The following RGS6 variants were observed in gnomAD, a reference collection of about 807,000 sequenced individuals.
RGS6 encodes the protein regulator of G protein signaling 6, also known as regulator of G-protein signaling 6.
In RGS6, 30 loss-of-function variants were observed where a neutral mutation model predicts 78.5. The ratio of observed to expected loss-of-function variants is 0.38; its 90% CI spans 0.29 to 0.52. The LOEUF is 0.52. Ranked by LOEUF, RGS6 falls within the 20% of genes least tolerant of loss-of-function variation. RGS6 has a pLI of 0.85. For synonymous variants in RGS6, 206 were observed against 206.0 expected (o/e 1.00, Z 0.00); for missense variants, 495 against 609.7 (o/e 0.81, Z 1.98).
chr14:72,362,690 G>T (rs538678225), intron 3 of RGS6, among the ~76,000 whole-genome samples: 1 of 152,164 alleles, frequency 6.6e-6, no homozygotes, highest in African/African-American at 2.4e-5. Flanking sequence ...TAGGGCCTAG[G>T]CTCCAGAACT....
chr14:72,458,699 A>G (rs575745707), intron 5 of RGS6, among the ~76,000 whole-genome samples: 12 of 152,352 alleles, frequency 7.9e-5, no homozygotes, highest in Admixed American at 3.3e-4. Context: ...TGGCAAGTCC[A>G]AGACCAAGGT....
intron 2 of RGS6, among the ~76,000 whole-genome samples, chr14:72,337,657 A>T (rs1365459392): frequency 2.0e-5 from 3 of 152,170 alleles, no homozygotes; most frequent in African/African-American, 7.2e-5. Context: ...GCCCTGCCTG[A>T]CTATGCTGCA....
intron 2 of RGS6, among the ~76,000 whole-genome samples, chr14:72,327,525 C>T (rs1434543468): frequency 2.0e-5 from 3 of 152,136 alleles, no homozygotes; most frequent in Non-Finnish European, 4.4e-5. Context: ...ATCTGGCTTC[C>T]TTAAGGCATA....
chr14:72,153,744 A>G (rs895766258), intron 2 of RGS6, among the ~76,000 whole-genome samples: 2 of 152,186 alleles, frequency 1.3e-5, no homozygotes, highest in African/African-American at 4.8e-5. Flanking sequence ...AGGTACAAAG[A>G]TCACATGCTT....
At chr14:71,884,338 G>A in the RGS6 span, among the ~76,000 whole-genome samples, 24 of 152,320 alleles carry the variant, frequency 1.6e-4, no homozygotes, top group African/African-American at 3.1e-4. Flanking sequence ...ATCCTTACAC[G>A]AAGAGGTAAA....
chr14:72,482,057 G>A (rs759366876), intron 12 of RGS6, among the ~76,000 whole-genome samples: 2 of 152,032 alleles, frequency 1.3e-5, no homozygotes, highest in East Asian at 1.9e-4. Flanking sequence ...TGATCCGCCC[G>A]CCTCGGCCTC....
chr14:72,158,242 C>G (rs1195775896), intron 2 of RGS6, among the ~76,000 whole-genome samples: 1 of 152,158 alleles, frequency 6.6e-6, no homozygotes, highest in African/African-American at 2.4e-5. Context: ...TCCTCCTTGG[C>G]TTGTAGATGG....
At chr14:72,502,257 C>A (rs1461866847) in intron 13 of RGS6, among the ~76,000 whole-genome samples, 1 of 152,184 alleles carries the variant, frequency 6.6e-6, no homozygotes, top group Non-Finnish European at 1.5e-5. Context: ...AGCTCCTGGT[C>A]AGCAACTAGC....
chr14:72,306,110 A>C (rs975914621), intron 2 of RGS6, among the ~76,000 whole-genome samples: 1 of 152,230 alleles, frequency 6.6e-6, no homozygotes, highest in African/African-American at 2.4e-5. Context: ...TCCAAAAATC[A>C]TACAGCCTCT....
intron 1 of RGS6, among the ~76,000 whole-genome samples, chr14:71,937,948 G>T (rs1443991487): frequency 6.6e-6 from 1 of 152,220 alleles, no homozygotes; most frequent in Non-Finnish European, 1.5e-5. Context: ...ACTCAGCAGT[G>T]ATCATAGCCA....
the RGS6 span, among the ~76,000 whole-genome samples, chr14:72,627,592 C>T: frequency 6.6e-6 from 1 of 152,050 alleles, no homozygotes; most frequent in Non-Finnish European, 1.5e-5. Context: ...GGGCTAGTTT[C>T]CATCACAGTT....
intron 2 of RGS6, among the ~76,000 whole-genome samples, chr14:72,016,055 A>T (rs1474961149): frequency 6.6e-6 from 1 of 152,172 alleles, no homozygotes; most frequent in Non-Finnish European, 1.5e-5. Context: ...CTAAATTTTA[A>T]TGTAATCATA....
At chr14:72,612,435 T>C in the RGS6 span, 5 of 516,598 alleles carry the variant, frequency 9.7e-6, no homozygotes, top group Admixed American at 9.7e-5. Flanking sequence ...CTGTCCTTTT[T>C]TTTTTTCTAG....
intron 17 of RGS6, among the ~76,000 whole-genome samples, chr14:72,559,110 T>C (rs2153549135): frequency 6.6e-6 from 1 of 152,334 alleles, no homozygotes; most frequent in South Asian, 2.1e-4. Context: ...CTGAAGTGGT[T>C]CCTTCAGGAT....
At chr14:72,622,425 A>G in the RGS6 span, among the ~76,000 whole-genome samples, 1 of 152,194 alleles carries the variant, frequency 6.6e-6, no homozygotes, top group Admixed American at 6.5e-5. Context: ...AATTTGATTT[A>G]GGGATAATAC....
intron 2 of RGS6, among the ~76,000 whole-genome samples, chr14:72,318,805 G>A (rs1177217901): frequency 6.6e-6 from 1 of 152,116 alleles, no homozygotes; most frequent in Non-Finnish European, 1.5e-5. Flanking sequence ...CTGCTACCAT[G>A]TAGTAGCAAA....
the RGS6 span, among the ~76,000 whole-genome samples, chr14:72,605,905 T>G: frequency 6.6e-6 from 1 of 152,000 alleles, no homozygotes; most frequent in Non-Finnish European, 1.5e-5. Context: ...GGTTTCAAAC[T>G]GTTGCGTGTT....
chr14:72,296,110 C>T (rs2064767624), intron 2 of RGS6, among the ~76,000 whole-genome samples: 1 of 152,176 alleles, frequency 6.6e-6, no homozygotes, highest in African/African-American at 2.4e-5. Flanking sequence ...TGGAATCATA[C>T]CATATGTACT....
intron 2 of RGS6, among the ~76,000 whole-genome samples, chr14:72,218,199 G>C (rs2046032624): frequency 6.6e-6 from 1 of 152,098 alleles, no homozygotes; most frequent in Admixed American, 6.6e-5. Flanking sequence ...TAGATGAGCA[G>C]AAATGGGATT....
Sources: allele counts gnomAD v4.1 joint callset (sites outside exome capture counted in the v4.1 genomes callset), GRCh38; gene constraint gnomAD v4.1.1; transcripts MANE v1.5; gene names NCBI Gene and HGNC (gene_info 2026-07-23, HGNC 2026-07-21).